Variants in NHLRC2 observed in about 807,000 individuals in gnomAD.
NHLRC2 encodes the protein NHL repeat-containing protein 2.
In NHLRC2, 33 loss-of-function variants were observed where a neutral mutation model predicts 68.1. That is an observed-to-expected ratio of 0.48 (90% CI 0.37 to 0.65). The LOEUF is 0.65. NHLRC2 is among the 30% of genes least tolerant of loss of function. The probability of loss-of-function intolerance (pLI) is 0.00; values close to 1 mark genes in which losing one functional copy is unlikely to be tolerated. For missense variants in NHLRC2, 761 were observed against 853.8 expected (o/e 0.89, Z 1.35); for synonymous variants, 311 against 309.6 (o/e 1.00, Z -0.05).
chr10:113,904,536 A>G (rs937673820), intron 9 of NHLRC2, among the ~76,000 whole-genome samples: 3 of 152,134 alleles, frequency 2.0e-5, no homozygotes, highest in African/African-American at 7.2e-5. Flanking sequence ...TAAATTTATA[A>G]ACTTTTGCTT....
At position 113,914,596 on chromosome 10, in the gene NHLRC2, C is replaced by T. The variant is rs918939616; in HGVS notation, c.*6060C>T. 1.0e-4 allele frequency: 23 copies of T among 221,010 alleles called. No homozygotes were observed. Among genetic ancestry groups the T allele is most frequent in the Admixed American group, 8.9e-4 (17 of 19,006 alleles). The allele number at this position is 221,010 out of a possible 1,614,324, so 13.7% of individuals were successfully genotyped here. A position where few individuals can be genotyped will look rare whatever the true frequency, so the allele number is the denominator to read the frequency against. On this transcript the variant is annotated 3_prime_UTR_variant, in exon 11 of 11. Coordinates refer to ENST00000369301, the MANE Select transcript of NHLRC2 (RefSeq NM_198514.4). ...GTGCTAATTAAGTAGTAGTATGGTG[C>T]AGTAAGGAATTTTGTTAATTTTGTT...
intron 2 of NHLRC2, among the ~76,000 whole-genome samples, chr10:113,871,081 G>C (rs1845920107): frequency 7.7e-6 from 1 of 129,798 alleles, no homozygotes; most frequent in Non-Finnish European, 1.5e-5. Flanking sequence ...CTAGAGTACA[G>C]TGGCGTGATC....
intron 8 of NHLRC2, among the ~76,000 whole-genome samples, chr10:113,902,890 A>G (rs1431778980): frequency 6.6e-6 from 1 of 152,256 alleles, no homozygotes; most frequent in Admixed American, 6.5e-5. Context: ...AGAGAAGGCA[A>G]GTAGCAGGGA....
At position 113,913,820 on chromosome 10, in the gene NHLRC2, T is replaced by C. The variant is rs943265941; in HGVS notation, c.*5284T>C. ...TCACCATGGTCAACCTATTCCAGCA[T>C]TAGGTACTTTTTGTTGTTGTTGTTT... On this transcript the variant is annotated 3_prime_UTR_variant, in exon 11 of 11. Coordinates refer to ENST00000369301, the MANE Select transcript of NHLRC2 (RefSeq NM_198514.4). The C allele has an allele frequency of 7.2e-5, 11 of 152,244 alleles. No individual in the cohort carries two copies. Among genetic ancestry groups the C allele is most frequent in the African/African-American group, 2.4e-4 (10 of 41,356 alleles). The allele number at this position is 152,244 out of a possible 1,614,324, so 9.4% of individuals were successfully genotyped here.
At position 113,870,304 on chromosome 10, in the gene NHLRC2, T is replaced by C. The variant is rs533838947; in HGVS notation, c.332-6217T>C. 3.0e-4 allele frequency among the ~76,000 whole-genome samples: 45 copies of C among 152,334 alleles called. 1 individual carries two copies. In the South Asian group the frequency reaches 9.3e-3, roughly 32 times the overall value. Reference sequence around the variant, plus strand: ...GAGGATGAAACAGATATTCATTCTATCCACCCATCCCTTCTAACTGTTCTT... The same window carrying C: ...GAGGATGAAACAGATATTCATTCTACCCACCCATCCCTTCTAACTGTTCTT... On this transcript the variant is annotated intron_variant, in intron 2 of 10. Transcript: ENST00000369301.
At position 113,855,060 on chromosome 10, in the gene NHLRC2, T is replaced by G; in HGVS notation, c.178+10T>G. 6.5e-7 allele frequency: 1 copy of G among 1,550,194 alleles called. No homozygotes were observed. Among genetic ancestry groups the G allele is most frequent in the Non-Finnish European group, 8.7e-7 (1 of 1,146,106 alleles). ...CCCGAGTTTCCGGAAGGTGAGGGGC[T>G]GGCGTCGGGGTGGGGGCCCCTCCCG... On this transcript the variant is annotated intron_variant, in intron 1 of 10. Transcript: ENST00000369301.
rs764735871 is a variant in NHLRC2 at position 113,902,603 on chromosome 10, G to A, written c.1494+10G>A. The A allele has an allele frequency of 2.1e-5, 33 of 1,597,976 alleles. No homozygotes were observed. Among genetic ancestry groups the A allele is most frequent in the Non-Finnish European group, 2.8e-5 (33 of 1,175,148 alleles). Reference sequence around the variant, plus strand: ...CTCCTACAATCACAAGGTGAGTCGTGACAGAATTATATAATATCTTGCTTT... The same window carrying A: ...CTCCTACAATCACAAGGTGAGTCGTAACAGAATTATATAATATCTTGCTTT... On this transcript the variant is annotated intron_variant, in intron 8 of 10. Transcript: ENST00000369301.
intron 2 of NHLRC2, among the ~76,000 whole-genome samples, chr10:113,865,914 C>T (rs899512585): frequency 4.6e-5 from 7 of 152,120 alleles, no homozygotes; most frequent in African/African-American, 1.4e-4. Context: ...AATATCTTCT[C>T]CCATTACTAT....
At chr10:113,861,865 AT>A (rs1845819297) in intron 2 of NHLRC2, among the ~76,000 whole-genome samples, 1 of 151,538 alleles carries the variant, frequency 6.6e-6, no homozygotes, top group Non-Finnish European at 1.5e-5. Context: ...GTAACATCAC[AT>A]TTTGTTTTCT....
intron 6 of NHLRC2, among the ~76,000 whole-genome samples, chr10:113,899,327 G>A (rs548748045): frequency 1.4e-4 from 21 of 152,238 alleles, no homozygotes; most frequent in African/African-American, 4.3e-4. Flanking sequence ...ACGTAGCCAT[G>A]GAAAATGATC....
At chr10:113,858,917 G>A in intron 2 of NHLRC2, 1 of 342,766 alleles carries the variant, frequency 2.9e-6, no homozygotes, top group South Asian at 1.4e-4. Flanking sequence ...TCTGCGGATA[G>A]GGGCATAATT....
At chr10:113,906,410 A>G (rs1846274860) in intron 10 of NHLRC2, among the ~76,000 whole-genome samples, 1 of 152,202 alleles carries the variant, frequency 6.6e-6, no homozygotes, top group Non-Finnish European at 1.5e-5. Flanking sequence ...TGAATATTAT[A>G]GAGTACATTT....
At position 113,909,347 on chromosome 10, in the gene NHLRC2, A is replaced by G. The variant is rs1846303442; in HGVS notation, c.*811A>G. The G allele has an allele frequency of 6.6e-6, 1 of 152,174 alleles. No individual in the cohort carries two copies. The highest frequency in any genetic ancestry group is 2.1e-4 in the South Asian group (1 of 4,820). The allele number at this position is 152,174 out of a possible 1,614,324, so 9.4% of individuals were successfully genotyped here. A position where few individuals can be genotyped will look rare whatever the true frequency, so the allele number is the denominator to read the frequency against. On this transcript the variant is annotated 3_prime_UTR_variant, in exon 11 of 11. Transcript: ENST00000369301. ...TAGGACACATTACTTAGTGTCTGTG[A>G]TAAATAATTTATTGTGACAGCTAAA...
rs949573315 is a variant in NHLRC2 at position 113,913,245 on chromosome 10, G to T, written c.*4709G>T. The T allele has an allele frequency of 6.6e-6, 1 of 152,148 alleles. No individual in the cohort carries two copies. Among genetic ancestry groups the T allele is most frequent in the African/African-American group, 2.4e-5 (1 of 41,440 alleles). The allele number at this position is 152,148 out of a possible 1,614,324, so 9.4% of individuals were successfully genotyped here. On this transcript the variant is annotated 3_prime_UTR_variant, in exon 11 of 11. Transcript: ENST00000369301. ...ACTCTCTGCTGTATTGCCTCTTAAA[G>T]TAGGTTTTCTTAAAACATAAATCTT...
intron 3 of NHLRC2, among the ~76,000 whole-genome samples, chr10:113,877,809 T>C (rs377250601): frequency 1.3e-5 from 2 of 152,184 alleles, no homozygotes; most frequent in East Asian, 1.9e-4. Context: ...TGCCCTGATG[T>C]TATTCTTAAT....
rs969939520 is a variant in NHLRC2 at position 113,915,352 on chromosome 10, C to T, written c.*6816C>T. ...TACCAAAAAGCATTCTTGTAACTGT[C>T]AGGGCATGGTATGAATTCCTTCCTC... On this transcript the variant is annotated 3_prime_UTR_variant, in exon 11 of 11. Coordinates refer to ENST00000369301, the MANE Select transcript of NHLRC2 (RefSeq NM_198514.4). 18 of 405,260 alleles carry T rather than the reference C, an allele frequency of 4.4e-5. No homozygotes were observed. Among genetic ancestry groups the T allele is most frequent in the Non-Finnish European group, 8.4e-5 (17 of 202,302 alleles). 25.1% of individuals were successfully genotyped at this position (405,260 alleles called of 1,614,324 possible). A position where few individuals can be genotyped will look rare whatever the true frequency, so the allele number is the denominator to read the frequency against.
intron 6 of NHLRC2, among the ~76,000 whole-genome samples, chr10:113,900,975 C>A (rs1490611725): frequency 1.3e-5 from 2 of 152,192 alleles, no homozygotes; most frequent in East Asian, 3.9e-4. Context: ...ACTTAGAAAC[C>A]AGGATCTAAA....
At chr10:113,902,968 T>C (rs1008920431) in intron 8 of NHLRC2, among the ~76,000 whole-genome samples, 7 of 152,260 alleles carry the variant, frequency 4.6e-5, no homozygotes, top group Non-Finnish European at 8.8e-5. Context: ...TGTTAGTAAA[T>C]AATTTTGTTT....
chr10:113,887,124 A>G (rs920898981), intron 5 of NHLRC2, among the ~76,000 whole-genome samples: 1 of 152,220 alleles, frequency 6.6e-6, no homozygotes, highest in African/African-American at 2.4e-5. Context: ...CATCATCTCT[A>G]ATCATCAAGG....
Sources: gnomAD v4.1 joint callset for allele counts (sites outside exome capture counted in the v4.1 genomes callset) on GRCh38, gnomAD v4.1.1 for gene constraint, MANE v1.5 for transcripts, NCBI Gene and HGNC (gene_info 2026-07-23, HGNC 2026-07-21) for gene names.